Variants in PDGFRA observed in about 807,000 individuals in gnomAD.
PDGFRA encodes platelet-derived growth factor receptor alpha.
PDGFRA carries 25 observed loss-of-function variants against 121.5 expected under a neutral mutation model. The observed-to-expected ratio is 0.21, with a 90% confidence interval of 0.15 to 0.29. The LOEUF (loss-of-function observed/expected upper bound fraction) is 0.29. PDGFRA is among the 10% of genes least tolerant of loss of function. The pLI, the probability that PDGFRA is intolerant of heterozygous loss-of-function variation, is 1.00. For synonymous variants in PDGFRA, 463 were observed against 494.8 expected, an observed-to-expected ratio of 0.94 and a Z score of 0.85; for missense variants, 1,008 against 1,345.1, an observed-to-expected ratio of 0.75 and a Z score of 3.92.
chr4:54,271,708 CCTTT>C (rs1346759637), intron 8 of PDGFRA, among the ~76,000 whole-genome samples: 1 of 148,418 alleles, frequency 6.7e-6, no homozygotes, highest in African/African-American at 2.5e-5. Context: ...CTTTTCCTTT[CCTTT>C]CTCTTTTTCT....
chr4:54,247,507 C>A (rs1721756020), intron 1 of PDGFRA, among the ~76,000 whole-genome samples: 1 of 151,952 alleles, frequency 6.6e-6, no homozygotes, highest in African/African-American at 2.4e-5. Flanking sequence ...AGGCCTTTGA[C>A]AAAATTCAAC....
intron 5 of PDGFRA, among the ~76,000 whole-genome samples, chr4:54,265,592 T>A (rs1722988384): frequency 6.6e-6 from 1 of 152,044 alleles, no homozygotes. Context: ...TCAGCAAAGG[T>A]TTAATGAAGT....
intron 2 of PDGFRA, 40 bp from the exon 3 acceptor site, chr4:54,261,055 T>C (rs1306020639): frequency 1.1e-5 from 17 of 1,581,490 alleles, no homozygotes; most frequent in Non-Finnish European, 1.5e-5. Context: ...AGACTGTCCT[T>C]TCTGACTGCA....
At chr4:54,282,631 T>C (rs1461542765) in intron 16 of PDGFRA, among the ~76,000 whole-genome samples, 1 of 152,172 alleles carries the variant, frequency 6.6e-6, no homozygotes, top group African/African-American at 2.4e-5. Context: ...ATACTGACCC[T>C]GGACCCTCCC....
intron 7 of PDGFRA, among the ~76,000 whole-genome samples, chr4:54,269,452 A>C (rs1443373031): frequency 6.6e-6 from 1 of 151,908 alleles, no homozygotes; most frequent in Non-Finnish European, 1.5e-5. Context: ...TTCAACTGTG[A>C]TGATTTATAA....
chr4:54,234,186 A>C (rs1453501927), intron 1 of PDGFRA, among the ~76,000 whole-genome samples: 4 of 152,124 alleles, frequency 2.6e-5, no homozygotes, highest in Non-Finnish European at 4.4e-5. Flanking sequence ...GATGATGGGG[A>C]TGATGGGGAG....
chr4:54,288,578 G>C (rs572878781), intron 19 of PDGFRA, among the ~76,000 whole-genome samples: 1 of 151,990 alleles, frequency 6.6e-6, no homozygotes, highest in African/African-American at 2.4e-5. Context: ...TAGAATTTTT[G>C]TGATGGTACT....
chr4:54,236,274 T>G (rs1397908910), intron 1 of PDGFRA, among the ~76,000 whole-genome samples: 2 of 152,210 alleles, frequency 1.3e-5, no homozygotes, highest in African/African-American at 2.4e-5. Context: ...TTACTTATAT[T>G]TGCACACCTG....
intron 1 of PDGFRA, among the ~76,000 whole-genome samples, chr4:54,240,450 T>A (rs1721240482): frequency 6.6e-6 from 1 of 152,236 alleles, no homozygotes; most frequent in Non-Finnish European, 1.5e-5. Context: ...TTTCGGCATT[T>A]GGATGCTCCA....
intron 1 of PDGFRA, among the ~76,000 whole-genome samples, chr4:54,251,065 C>G (rs1006688024): frequency 1.9e-5 from 1 of 51,848 alleles, no homozygotes; most frequent in Admixed American, 1.9e-4. Context: ...AACTCCGTCT[C>G]AAAAAAAAAA....
At chr4:54,269,706 G>A (rs1393903692) in intron 7 of PDGFRA, among the ~76,000 whole-genome samples, 2 of 147,436 alleles carry the variant, frequency 1.4e-5, no homozygotes, top group East Asian at 2.0e-4. Context: ...GCAGCGGTAC[G>A]ATCACGGCTC....
At chr4:54,261,644 T>C (rs1367423680) in intron 3 of PDGFRA, among the ~76,000 whole-genome samples, 2 of 151,946 alleles carry the variant, frequency 1.3e-5, no homozygotes, top group East Asian at 1.9e-4. Flanking sequence ...ATGTCCTGTA[T>C]TGATACTGTA....
intron 16 of PDGFRA, among the ~76,000 whole-genome samples, chr4:54,284,916 C>T (rs1724259181): frequency 8.6e-6 from 1 of 116,292 alleles, no homozygotes. Flanking sequence ...CAGAGTCTCA[C>T]TCTGTCACCC....
intron 1 of PDGFRA, among the ~76,000 whole-genome samples, chr4:54,255,555 G>C (rs2110226910): frequency 6.6e-6 from 1 of 150,702 alleles, no homozygotes. Context: ...ACCCAGGCTG[G>C]AGTGCAGTGG....
intron 1 of PDGFRA, among the ~76,000 whole-genome samples, chr4:54,251,109 T>A (rs1722035025): frequency 6.6e-6 from 1 of 151,192 alleles, no homozygotes; most frequent in East Asian, 1.9e-4. Context: ...ATTGTGCCAT[T>A]GAAACAGAAA....
At chr4:54,245,588 G>A (rs1219463380) in intron 1 of PDGFRA, among the ~76,000 whole-genome samples, 4 of 151,828 alleles carry the variant, frequency 2.6e-5, no homozygotes, top group Non-Finnish European at 5.9e-5. Flanking sequence ...AGGAACAACC[G>A]GTACCAGCCA....
In PDGFRA at chr4:54,229,313, G is replaced by A; in HGVS notation, c.-115G>A. ...AGCCCATTACTGTTGGAGCTACAGG[G>A]AGAGAAACAGAGGAGGAGACTGCAA... On this transcript the variant is annotated 5_prime_UTR_variant, in exon 1 of 23. Transcript: ENST00000257290. 5.2e-6 allele frequency: 2 copies of A among 387,342 alleles called. No homozygotes were observed. Among genetic ancestry groups the A allele is most frequent in the Non-Finnish European group, 9.0e-6 (2 of 223,024 alleles). The allele number at this position is 387,342 out of a possible 1,614,324, so 24.0% of individuals were successfully genotyped here. A position where few individuals can be genotyped will look rare whatever the true frequency, so the allele number is the denominator to read the frequency against.
At chr4:54,292,830 A>T (rs544076591) in intron 22 of PDGFRA, among the ~76,000 whole-genome samples, 2 of 152,284 alleles carry the variant, frequency 1.3e-5, no homozygotes, top group East Asian at 3.9e-4. Context: ...TAAAACTACG[A>T]GAACACATGG....
chr4:54,240,039 G>A (rs1435863209), intron 1 of PDGFRA: 2 of 421,596 alleles, frequency 4.7e-6, no homozygotes, highest in Admixed American at 5.0e-5. Context: ...TTTTTGTAGA[G>A]ACGGGGTTTT....
Sources: allele counts gnomAD v4.1 joint callset (sites outside exome capture counted in the v4.1 genomes callset), GRCh38; gene constraint gnomAD v4.1.1; transcripts MANE v1.5; gene names NCBI Gene and HGNC (gene_info 2026-07-23, HGNC 2026-07-21).